ST18: variants seen among roughly 807,000 people sequenced by gnomAD.
ST18 encodes suppression of tumorigenicity 18 protein.
ST18 carries 50 observed loss-of-function variants against 110.0 expected under a neutral mutation model. The ratio of observed to expected loss-of-function variants is 0.45; its 90% confidence interval spans 0.36 to 0.58. The LOEUF is 0.58. Among genes scored for constraint, ST18 ranks in the 20% least tolerant of loss-of-function variants. The pLI, the probability that ST18 is intolerant of heterozygous loss-of-function variation, is 0.00. For missense variants in ST18, 1,306 were observed against 1,280.1 expected (o/e 1.02, Z -0.31); for synonymous variants, 461 against 452.4 (o/e 1.02, Z -0.24).
intron 2 of ST18, among the ~76,000 whole-genome samples, chr8:52,389,795 G>A (rs1203016603): frequency 1.3e-5 from 2 of 152,194 alleles, no homozygotes; most frequent in African/African-American, 2.4e-5. Flanking sequence ...AGAGCCAGCC[G>A]GAGCCGAGGG....
chr8:52,300,099 A>G lies in ST18; in HGVS notation c.-464-70022T>C, dbSNP rs567973844. On this transcript the variant is annotated intron_variant, in intron 2 of 25. Transcript: ENST00000689386. ...AGCCTTCCGTTGATTCCTTCTGCTT[A>G]TTTAGCTCAGTGGTATATTTCAAAA... is the stretch of plus-strand genomic sequence containing the variant. 1.1e-4 allele frequency among the ~76,000 whole-genome samples: 17 copies of G among 152,332 alleles called. No individual in the cohort carries two copies. The South Asian group carries it at 1.7e-3, about 15-fold the overall frequency.
intron 13 of ST18, among the ~76,000 whole-genome samples, chr8:52,162,192 CAG>C (rs199787836): frequency 0.013 from 1,913 of 152,172 alleles, 34 homozygotes; most frequent in African/African-American, 0.041. Context: ...GCCTGGGAGA[CAG>C]AGCAAGACTC....
intron 15 of ST18, among the ~76,000 whole-genome samples, chr8:52,156,713 T>C (rs1438646474): frequency 1.3e-5 from 2 of 152,212 alleles, no homozygotes; most frequent in East Asian, 3.8e-4. Flanking sequence ...TTCTAGACAT[T>C]GTTACAGTTG....
At chr8:52,273,245 C>T (rs1214250356) in intron 2 of ST18, among the ~76,000 whole-genome samples, 1 of 152,124 alleles carries the variant, frequency 6.6e-6, no homozygotes, top group Non-Finnish European at 1.5e-5. Context: ...AGCTGGGAAT[C>T]GTGGAGAGGG....
At chr8:52,331,313 T>C (rs542766711) in intron 2 of ST18, among the ~76,000 whole-genome samples, 2 of 151,602 alleles carry the variant, frequency 1.3e-5, no homozygotes, top group South Asian at 4.1e-4. Flanking sequence ...TCTGTATTTA[T>C]GAATAATATT....
chr8:52,402,862 G>T (rs559833296), intron 2 of ST18, among the ~76,000 whole-genome samples: 3 of 152,298 alleles, frequency 2.0e-5, no homozygotes, highest in Admixed American at 6.5e-5. Flanking sequence ...CTCAGCCAAG[G>T]CTGTTTCTCT....
intron 8 of ST18, among the ~76,000 whole-genome samples, chr8:52,200,903 G>A (rs988066014): frequency 6.6e-6 from 1 of 152,262 alleles, no homozygotes; most frequent in Admixed American, 6.5e-5. Flanking sequence ...ATACTCCTCA[G>A]GGATCCATTT....
intron 2 of ST18, among the ~76,000 whole-genome samples, chr8:52,314,555 G>C (rs2095986941): frequency 6.6e-6 from 1 of 152,180 alleles, no homozygotes; most frequent in Non-Finnish European, 1.5e-5. Context: ...TTCTGCTTCA[G>C]GTTCTGATTC....
intron 2 of ST18, among the ~76,000 whole-genome samples, chr8:52,349,490 A>G (rs1043055174): frequency 6.6e-6 from 1 of 152,210 alleles, no homozygotes; most frequent in African/African-American, 2.4e-5. Flanking sequence ...CCACCCAGCC[A>G]TCTAAAAATA....
At chr8:52,128,158 G>A (rs111266228) in intron 22 of ST18, among the ~76,000 whole-genome samples, 15 of 152,058 alleles carry the variant, frequency 9.9e-5, no homozygotes, top group South Asian at 2.1e-4. Flanking sequence ...TAGTAGAGAC[G>A]GGGTTTCACC....
In ST18 at chr8:52,245,298, A is replaced by G. The variant is rs138496041; in HGVS notation, c.-464-15221T>C. On this transcript the variant is annotated intron_variant, in intron 2 of 25. Transcript: ENST00000689386. ...TTTAATCTACATTCCAGGAATGAAAATACTGTTTATTCTATTTAAAAAATT... is the reference window on the plus strand; with the variant it reads ...TTTAATCTACATTCCAGGAATGAAAGTACTGTTTATTCTATTTAAAAAATT... Among the ~76,000 whole-genome samples the G allele has an allele frequency of 5.4e-3, 816 of 152,224 alleles. 6 individuals are homozygous for G. Among genetic ancestry groups the G allele is most frequent in the South Asian group, 0.017 (82 of 4,828 alleles).
At chr8:52,208,438 A>C (rs751219565) in intron 8 of ST18, among the ~76,000 whole-genome samples, 3 of 152,224 alleles carry the variant, frequency 2.0e-5, no homozygotes, top group Non-Finnish European at 2.9e-5. Context: ...AAAGATGCTA[A>C]AAATATAAGC....
At chr8:52,295,338 T>C (rs2095615611) in intron 2 of ST18, among the ~76,000 whole-genome samples, 1 of 152,234 alleles carries the variant, frequency 6.6e-6, no homozygotes. Flanking sequence ...ACTTTTTAAA[T>C]TAAGTTCTTC....
chr8:52,327,381 C>T lies in ST18; in HGVS notation c.-465+81947G>A, dbSNP rs192744517. Among the ~76,000 whole-genome samples the T allele has an allele frequency of 1.2e-3, 178 of 152,314 alleles. 1 individual carries two copies. The highest frequency in any genetic ancestry group is 4.4e-3 in the South Asian group (21 of 4,824). Reference sequence around the variant, plus strand: ...CTTGAATTCTGTCCAGCCATCTCAACTCACCAAGAGAGAGTCTGTATAGAA... The same window carrying T: ...CTTGAATTCTGTCCAGCCATCTCAATTCACCAAGAGAGAGTCTGTATAGAA... On this transcript the variant is annotated intron_variant, in intron 2 of 25. Transcript: ENST00000689386.
intron 17 of ST18, among the ~76,000 whole-genome samples, chr8:52,139,116 A>T (rs2053737417): frequency 6.6e-6 from 1 of 152,172 alleles, no homozygotes; most frequent in African/African-American, 2.4e-5. Flanking sequence ...TATAAAAGCT[A>T]TAAATATATG....
intron 2 of ST18, among the ~76,000 whole-genome samples, chr8:52,232,359 A>G (rs1048181400): frequency 7.9e-5 from 12 of 152,242 alleles, no homozygotes; most frequent in African/African-American, 2.9e-4. Context: ...CAAATTACAA[A>G]TCTAAGAGTT....
chr8:52,222,683 T>C (rs2087353408), intron 3 of ST18, among the ~76,000 whole-genome samples: 1 of 152,198 alleles, frequency 6.6e-6, no homozygotes, highest in African/African-American at 2.4e-5. Context: ...CCAAAAGGAA[T>C]CTGCGACTGA....
chr8:52,120,711 G>C (rs948433978), intron 23 of ST18, among the ~76,000 whole-genome samples: 1 of 152,196 alleles, frequency 6.6e-6, no homozygotes, highest in African/African-American at 2.4e-5. Context: ...GGAGAGCTGG[G>C]GTGATTGAGC....
rs556078528 is a variant in ST18 at position 52,142,892 on chromosome 8, C to T, written c.2168+38G>A. 4 of 1,413,796 alleles carry T rather than the reference C, an allele frequency of 2.8e-6. No homozygotes were observed. In the South Asian group the frequency reaches 3.6e-5, roughly 13 times the overall value. The allele number at this position is 1,413,796 out of a possible 1,614,324, so 87.6% of individuals were successfully genotyped here. On this transcript the variant is annotated intron_variant, in intron 17 of 25. Transcript: ENST00000689386. ...TAAGTCATGAACTTGAATCTTCATT[C>T]CAGAATCTTAGAGGGCATGGCATTG...
Sources: gnomAD v4.1 joint callset for allele counts (sites outside exome capture counted in the v4.1 genomes callset) on GRCh38, gnomAD v4.1.1 for gene constraint, MANE v1.5 for transcripts, NCBI Gene and HGNC (gene_info 2026-07-23, HGNC 2026-07-21) for gene names.